The following FHIT variants were observed in gnomAD, a reference collection of about 807,000 sequenced individuals.
FHIT encodes the protein bis(5'-adenosyl)-triphosphatase.
A neutral mutation model predicts 17.9 loss-of-function variants in FHIT; 19 were observed. That is an observed-to-expected ratio of 1.06 (90% CI 0.74 to 1.56). The LOEUF is 1.56. Among genes scored for constraint, FHIT ranks in the 40% most tolerant of loss-of-function variants. FHIT has a pLI of 0.00. For missense variants in FHIT, 248 were observed against 189.2 expected (o/e 1.31, Z -1.82); for synonymous variants, 81 against 69.7 (o/e 1.16, Z -0.81).
intron 4 of FHIT, among the ~76,000 whole-genome samples, chr3:60,820,141 C>T (rs1231425117): frequency 1.3e-5 from 2 of 152,066 alleles, no homozygotes; most frequent in Admixed American, 6.5e-5. Context: ...AACCCCATCT[C>T]TACTAAAAAT....
chr3:60,369,129 C>T (rs967172944), intron 5 of FHIT, among the ~76,000 whole-genome samples: 2 of 150,682 alleles, frequency 1.3e-5, no homozygotes, highest in South Asian at 2.1e-4. Flanking sequence ...TGCACCAACA[C>T]GCCTTGCTAA....
At chr3:60,773,668 T>G (rs1700120499) in intron 4 of FHIT, among the ~76,000 whole-genome samples, 2 of 152,268 alleles carry the variant, frequency 1.3e-5, no homozygotes, top group South Asian at 4.1e-4. Flanking sequence ...ATCTTTGCTC[T>G]TCTAGCTTAC....
At chr3:61,217,121 G>A (rs937604309) in intron 1 of FHIT, among the ~76,000 whole-genome samples, 4 of 152,072 alleles carry the variant, frequency 2.6e-5, no homozygotes, top group Non-Finnish European at 5.9e-5. Flanking sequence ...TTGTGCACAT[G>A]TACCCTAAAA....
chr3:60,728,059 G>C (rs2041953904), intron 4 of FHIT, among the ~76,000 whole-genome samples: 1 of 152,126 alleles, frequency 6.6e-6, no homozygotes, highest in Admixed American at 6.6e-5. Context: ...AAATAGGAAG[G>C]AAAATGCCTA....
chr3:60,341,187 GTGGGGGTGTGT>G (rs1389527936), intron 5 of FHIT, among the ~76,000 whole-genome samples: 1 of 152,092 alleles, frequency 6.6e-6, no homozygotes, highest in South Asian at 2.1e-4. Flanking sequence ...TCATTCCACC[GTGGGGGTGTGT>G]TGTTTTGAGC....
chr3:59,805,830 T>C (rs1353981362), intron 8 of FHIT, among the ~76,000 whole-genome samples: 1 of 152,182 alleles, frequency 6.6e-6, no homozygotes, highest in African/African-American at 2.4e-5. Context: ...AGCATGATGC[T>C]GGGTATGCTA....
chr3:59,961,046 CG>C (rs1391666639), intron 7 of FHIT, among the ~76,000 whole-genome samples: 1 of 152,172 alleles, frequency 6.6e-6, no homozygotes, highest in African/African-American at 2.4e-5. Context: ...AAGTGGTTTG[CG>C]GATGAGGGGA....
At chr3:60,319,142 T>A in intron 5 of FHIT, among the ~76,000 whole-genome samples, 1 of 152,120 alleles carries the variant, frequency 6.6e-6, no homozygotes, top group Non-Finnish European at 1.5e-5. Flanking sequence ...TTTTGCCACA[T>A]AAGGTAACAT....
intron 5 of FHIT, among the ~76,000 whole-genome samples, chr3:60,124,609 T>C (rs1705456995): frequency 6.6e-6 from 1 of 152,178 alleles, no homozygotes; most frequent in Non-Finnish European, 1.5e-5. Context: ...GCATCTTCTT[T>C]AATCAAAGTG....
chr3:59,862,489 C>T (rs1195503971), intron 8 of FHIT, among the ~76,000 whole-genome samples: 4 of 152,206 alleles, frequency 2.6e-5, no homozygotes, highest in African/African-American at 9.7e-5. Flanking sequence ...GACTCACTTG[C>T]TATTTCTCTG....
intron 4 of FHIT, among the ~76,000 whole-genome samples, chr3:60,590,174 T>C (rs1553663684): frequency 2.0e-5 from 3 of 152,106 alleles, no homozygotes; most frequent in Non-Finnish European, 4.4e-5. Flanking sequence ...ACCAAATTTT[T>C]CTTGCTCAAG....
chr3:60,125,120 G>A (rs1374986572), intron 5 of FHIT, among the ~76,000 whole-genome samples: 2 of 152,172 alleles, frequency 1.3e-5, no homozygotes, highest in African/African-American at 2.4e-5. Flanking sequence ...CCACTCTGTG[G>A]AGAAATCCAG....
chr3:60,437,572 C>A (rs1047098798), intron 5 of FHIT, among the ~76,000 whole-genome samples: 1 of 152,030 alleles, frequency 6.6e-6, no homozygotes, highest in Admixed American at 6.6e-5. Flanking sequence ...TCATCTCATT[C>A]CAGCAATGAT....
At chr3:60,798,020 A>T (rs2736732) in intron 4 of FHIT, among the ~76,000 whole-genome samples, 3 of 151,960 alleles carry the variant, frequency 2.0e-5, no homozygotes, top group Non-Finnish European at 4.4e-5. Flanking sequence ...ATTTCTAATT[A>T]TTTAGATCAG....
intron 4 of FHIT, among the ~76,000 whole-genome samples, chr3:60,739,071 G>A (rs1290513328): frequency 4.6e-5 from 7 of 152,142 alleles, no homozygotes; most frequent in Admixed American, 1.3e-4. Context: ...GAGTTTGGCC[G>A]CTGAACAGCC....
chr3:60,196,734 T>G (rs1247726680), intron 5 of FHIT, among the ~76,000 whole-genome samples: 1 of 152,036 alleles, frequency 6.6e-6, no homozygotes, highest in Non-Finnish European at 1.5e-5. Context: ...TAACATATAT[T>G]ACACATATAT....
chr3:60,688,680 C>A (rs572149201), intron 4 of FHIT, among the ~76,000 whole-genome samples: 8 of 152,202 alleles, frequency 5.3e-5, no homozygotes, highest in Non-Finnish European at 1.2e-4. Flanking sequence ...GATCCACCCA[C>A]CTCAGCCTCC....
rs113000292 is a variant in FHIT, at chr3:60,531,560, G to A, written c.103+5300C>T. Reference sequence around the variant, plus strand: ...CCCAAAGTGCTGGGATTACAGGCGTGAGCCACCGCGCCCGGCCGAAAAGAA... The same window carrying A: ...CCCAAAGTGCTGGGATTACAGGCGTAAGCCACCGCGCCCGGCCGAAAAGAA... On this transcript the variant is annotated intron_variant, in intron 5 of 9. Coordinates refer to ENST00000492590, the MANE Select transcript of FHIT (RefSeq NM_002012.4). Among the ~76,000 whole-genome samples the A allele has an allele frequency of 3.3e-5, 5 of 152,258 alleles. 1 individual carries two copies. The highest frequency in any genetic ancestry group is 9.6e-5 in the African/African-American group (4 of 41,554).
At chr3:60,473,310 C>G (rs1453541272) in intron 5 of FHIT, among the ~76,000 whole-genome samples, 2 of 152,044 alleles carry the variant, frequency 1.3e-5, no homozygotes, top group African/African-American at 4.8e-5. Context: ...AGCACTGTTC[C>G]AAGATTAACT....
Sources: allele counts gnomAD v4.1 joint callset (sites outside exome capture counted in the v4.1 genomes callset), GRCh38; gene constraint gnomAD v4.1.1; transcripts MANE v1.5; gene names NCBI Gene and HGNC (gene_info 2026-07-23, HGNC 2026-07-21).